The following LRRN2 variants were observed in gnomAD, a reference collection of about 807,000 sequenced individuals.
LRRN2 encodes the protein leucine rich repeat neuronal 2.
LRRN2 carries 10 observed loss-of-function variants against 35.7 expected under a neutral mutation model. The observed-to-expected ratio is 0.28, with a 90% CI of 0.17 to 0.47. LRRN2 has a LOEUF of 0.47. Among genes scored for constraint, LRRN2 ranks in the 20% least tolerant of loss-of-function variants. The pLI is 0.99. For missense variants in LRRN2, 731 were observed against 940.3 expected (o/e 0.78, Z 2.91); for synonymous variants, 391 against 409.6 (o/e 0.95, Z 0.55).
rs114046468 is a variant in LRRN2, at chr1:204,650,539, G to C, written c.-226-30321C>G. Among the ~76,000 whole-genome samples the C allele has an allele frequency of 5.0e-3, 754 of 152,208 alleles. 8 individuals carry two copies. The highest frequency in any genetic ancestry group is 0.017 in the African/African-American group (727 of 41,564). ...AAGAGGGAAGAACACTGGCAGAGAG[G>C]TAGGCTGGGAGATGCCAGCAGCTGG... On this transcript the variant is annotated intron_variant, in intron 1 of 1. Coordinates refer to ENST00000367177, the MANE Select transcript of LRRN2 (RefSeq NM_201630.2).
At position 204,651,995 on chromosome 1, in the gene LRRN2, G is replaced by A. The variant is rs553916355; in HGVS notation, c.-226-31777C>T. On this transcript the variant is annotated intron_variant, in intron 1 of 1. Transcript: ENST00000367177. ...GTGTCTCCCAGTGCCCGGGTACCAG[G>A]TGCCTGCTGTGGCTTTCCCCAGTGG... 2.3e-3 allele frequency among the ~76,000 whole-genome samples: 357 copies of A among 152,316 alleles called. 3 individuals are homozygous for A. Among genetic ancestry groups the A allele is most frequent in the African/African-American group, 8.1e-3 (338 of 41,576 alleles).
At chr1:204,635,294 T>C (rs1010547372) in intron 1 of LRRN2, among the ~76,000 whole-genome samples, 3 of 152,150 alleles carry the variant, frequency 2.0e-5, no homozygotes, top group African/African-American at 7.2e-5. Context: ...TCTGGGCTTA[T>C]ATATATTTAC....
chr1:204,647,489 T>A (rs1668132295), intron 1 of LRRN2, among the ~76,000 whole-genome samples: 1 of 152,184 alleles, frequency 6.6e-6, no homozygotes, highest in Non-Finnish European at 1.5e-5. Flanking sequence ...GTCACCTTTG[T>A]CTCACCTATT....
chr1:204,682,667 T>C (rs566171418), intron 1 of LRRN2, among the ~76,000 whole-genome samples: 2 of 152,354 alleles, frequency 1.3e-5, no homozygotes, highest in South Asian at 4.1e-4. Flanking sequence ...AGGTATTCAA[T>C]AATAAATTTG....
chr1:204,675,234 A>C (rs548556643), intron 1 of LRRN2, among the ~76,000 whole-genome samples: 8 of 152,276 alleles, frequency 5.3e-5, no homozygotes, highest in African/African-American at 1.7e-4. Flanking sequence ...GAAGGAGGCC[A>C]ACTGGGTTCT....
intron 1 of LRRN2, among the ~76,000 whole-genome samples, chr1:204,675,917 C>G (rs1306288363): frequency 1.3e-5 from 2 of 152,252 alleles, no homozygotes; most frequent in Non-Finnish European, 2.9e-5. Context: ...GTCTGCCCAT[C>G]AGAGGTGAAT....
Position 204,617,827 on chromosome 1 carries a change from C to T in LRRN2, c.*24G>A, listed in dbSNP as rs760355386. On this transcript the variant is annotated 3_prime_UTR_variant, in exon 2 of 2. Transcript: ENST00000367177. ...GTAAAAAGTAGTCCTAGTGATTTCT[C>T]TACTGCTGAGAACAGGCTGAGCTTC... 6.2e-7 allele frequency: 1 copy of T among 1,612,798 alleles called. No individual in the cohort carries two copies. The highest frequency in any genetic ancestry group is 2.2e-5 in the East Asian group (1 of 44,884).
Position 204,620,175 on chromosome 1 carries a change from G to T in LRRN2, c.-183C>A, listed in dbSNP as rs1666776021. The T allele has an allele frequency of 6.9e-7, 1 of 1,448,802 alleles. No homozygotes were observed. Among genetic ancestry groups the T allele is most frequent in the Non-Finnish European group, 9.1e-7 (1 of 1,099,852 alleles). The allele number at this position is 1,448,802 out of a possible 1,614,324, so 89.7% of individuals were successfully genotyped here. A position where few individuals can be genotyped will look rare whatever the true frequency, so the allele number is the denominator to read the frequency against. On this transcript the variant is annotated 5_prime_UTR_variant, in exon 2 of 2. Transcript: ENST00000367177. ...ATGCCTTCTCTTCCTTGTCCTCTGG[G>T]GCTGGGCCTGCTCAGTCATTGCCAG...
At chr1:204,653,028 A>G (rs1402896076) in intron 1 of LRRN2, among the ~76,000 whole-genome samples, 1 of 152,216 alleles carries the variant, frequency 6.6e-6, no homozygotes, top group Non-Finnish European at 1.5e-5. Context: ...CTTCTGCGGA[A>G]GGGACCTCGG....
intron 1 of LRRN2, among the ~76,000 whole-genome samples, chr1:204,673,007 T>C (rs1480393347): frequency 1.3e-5 from 2 of 152,122 alleles, no homozygotes; most frequent in African/African-American, 4.8e-5. Flanking sequence ...CCACGTAAGA[T>C]CCACATACAT....
chr1:204,638,554 G>A (rs1667902848), intron 1 of LRRN2, among the ~76,000 whole-genome samples: 1 of 151,906 alleles, frequency 6.6e-6, no homozygotes, highest in African/African-American at 2.4e-5. Flanking sequence ...GAGATTACAG[G>A]CATGTGCCAC....
intron 1 of LRRN2, among the ~76,000 whole-genome samples, chr1:204,649,853 A>C (rs1668185122): frequency 6.6e-6 from 1 of 152,198 alleles, no homozygotes; most frequent in African/African-American, 2.4e-5. Context: ...GAGCAAGGCC[A>C]GGCAGAGGCA....
chr1:204,657,098 G>A (rs1668373441), intron 1 of LRRN2, among the ~76,000 whole-genome samples: 1 of 152,146 alleles, frequency 6.6e-6, no homozygotes, highest in Admixed American at 6.5e-5. Flanking sequence ...GAGGTCAGGA[G>A]TTTGAGACCA....
intron 1 of LRRN2, among the ~76,000 whole-genome samples, chr1:204,643,535 C>T (rs891835201): frequency 1.3e-5 from 2 of 152,080 alleles, no homozygotes; most frequent in African/African-American, 4.8e-5. Context: ...CTGGATTCCA[C>T]CCATTTGAAG....
intron 1 of LRRN2, among the ~76,000 whole-genome samples, chr1:204,660,472 A>C (rs1668448319): frequency 6.6e-6 from 1 of 151,906 alleles, no homozygotes; most frequent in African/African-American, 2.4e-5. Flanking sequence ...TTGGACTGAT[A>C]AATCCTCTTT....
chr1:204,626,127 G>A (rs1264603821), intron 1 of LRRN2, among the ~76,000 whole-genome samples: 1 of 152,094 alleles, frequency 6.6e-6, no homozygotes, highest in Non-Finnish European at 1.5e-5. Flanking sequence ...CTACTCGGCA[G>A]TCTCAGAGGC....
At chr1:204,632,636 A>C (rs1296429428) in intron 1 of LRRN2, among the ~76,000 whole-genome samples, 10 of 150,258 alleles carry the variant, frequency 6.7e-5, no homozygotes, top group Non-Finnish European at 1.2e-4. Flanking sequence ...CTCAAAAAAA[A>C]AAAAAAAAAA....
At chr1:204,685,088 C>T (rs1299469541) in intron 1 of LRRN2, among the ~76,000 whole-genome samples, 1 of 152,202 alleles carries the variant, frequency 6.6e-6, no homozygotes, top group East Asian at 1.9e-4. Context: ...CCTCCCTCTC[C>T]CAAGTCTCCG....
At chr1:204,633,825 C>T (rs1401037017) in intron 1 of LRRN2, among the ~76,000 whole-genome samples, 7 of 152,220 alleles carry the variant, frequency 4.6e-5, no homozygotes, top group South Asian at 2.1e-4. Flanking sequence ...ATTCAAGCTC[C>T]GTTGGGCCTG....
Sources: allele counts gnomAD v4.1 joint callset (sites outside exome capture counted in the v4.1 genomes callset), GRCh38; gene constraint gnomAD v4.1.1; transcripts MANE v1.5; gene names NCBI Gene and HGNC (gene_info 2026-07-23, HGNC 2026-07-21).